The following SHC1 variants were observed in gnomAD, a reference collection of about 807,000 sequenced individuals.
SHC1 encodes SHC adaptor protein 1.
A neutral mutation model predicts 55.9 loss-of-function variants in SHC1; 30 were observed. That is an observed-to-expected ratio of 0.54 (90% CI 0.40 to 0.73). The LOEUF (loss-of-function observed/expected upper bound fraction) is 0.73, where lower values mean the gene tolerates loss of function less well. SHC1 is among the 30% of genes least tolerant of loss of function. The probability of loss-of-function intolerance (pLI) is 0.00; values close to 1 mark genes in which losing one functional copy is unlikely to be tolerated. For synonymous variants in SHC1, 309 were observed against 306.1 expected, an observed-to-expected ratio of 1.01 and a Z score of -0.10; for missense variants, 675 against 777.1, an observed-to-expected ratio of 0.87 and a Z score of 1.56.
In SHC1 at chr1:154,965,315, G is replaced by C. The variant is rs542909982; in HGVS notation, c.1626+228C>G. 1.1e-5 allele frequency: 15 copies of C among 1,415,928 alleles called. No individual in the cohort carries two copies. In the East Asian group the frequency reaches 3.8e-4, roughly 36 times the overall value. 87.7% of individuals were successfully genotyped at this position (1,415,928 alleles called of 1,614,324 possible). ...GCCTCCCAAAGCGCTGGGATTACAG[G>C]TGTGAGCCACCACGCCTGGCCCTGT... is the stretch of plus-strand genomic sequence containing the variant. On this transcript the variant is annotated intron_variant, in intron 11 of 11. Coordinates refer to ENST00000448116, the MANE Select transcript of SHC1 (RefSeq NM_001130040.2).
Position 154,967,674 on chromosome 1 carries a change from T to A in SHC1, c.980A>T (p.Asp327Val). ...CACACTCTCCCCACCTGCTCACCTGTCATGAGGGGTGACCAGTTTGGGTGG... is the reference window on the plus strand; with the variant it reads ...CACACTCTCCCCACCTGCTCACCTGACATGAGGGGTGACCAGTTTGGGTGG... Reference protein sequence around the residue: ...RNPPKLVTPHDRMAGFDGSAW... With the variant: ...RNPPKLVTPHVRMAGFDGSAW... The change falls in exon 7 of 12, where the codon GAC becomes GTC. Residue 327 changes from aspartate (D) to valine (V), a missense_variant. Physicochemically the swap from Asp to Val is radical, Grantham distance 152 (BLOSUM62 -3). Transcript: ENST00000448116. 1 of 1,613,838 alleles carries A rather than the reference T, an allele frequency of 6.2e-7. No homozygotes were observed.
intron 11 of SHC1, among the ~76,000 whole-genome samples, chr1:154,964,587 G>A (rs1462022949): frequency 2.6e-5 from 4 of 151,966 alleles, no homozygotes; most frequent in Non-Finnish European, 5.9e-5. Flanking sequence ...GGGCTCAAGC[G>A]ATCCTCAGGC....
In SHC1 at chr1:154,970,165, C is replaced by T. The variant is rs1656564134; in HGVS notation, c.362G>A (p.Arg121Lys). The T allele has an allele frequency of 2.5e-6, 4 of 1,613,540 alleles. No individual in the cohort carries two copies. Among genetic ancestry groups the T allele is most frequent in the Non-Finnish European group, 3.4e-6 (4 of 1,179,916 alleles). Reference sequence around the variant, plus strand: ...AAGCTGGCCCCCTTCCACCCGAGTCCTGCGCCCGCCGCCTCCACTCAGCTT... The same window carrying T: ...AAGCTGGCCCCCTTCCACCCGAGTCTTGCGCCCGCCGCCTCCACTCAGCTT... The part of the protein sequence containing the change: ...MNKLSGGGGR[R>K]TRVEGGQLGG... The change falls in exon 1 of 12, where the codon AGG becomes AAG. Residue 121 changes from arginine to lysine, a missense_variant. Physicochemically the swap from Arg to Lys is conservative, Grantham distance 26. Coordinates refer to ENST00000448116, the MANE Select transcript of SHC1 (RefSeq NM_001130040.2). The surrounding 1 kb of genome is among the most constrained non-coding windows in gnomAD (Gnocchi z 5.5).
Position 154,968,495 on chromosome 1 carries a change from C to G in SHC1, c.750G>C (p.Gln250His). 2 of 1,614,120 alleles carry G rather than the reference C, an allele frequency of 1.2e-6. No homozygotes were observed. The highest frequency in any genetic ancestry group is 1.7e-6 in the Non-Finnish European group (2 of 1,180,016). ...SLNLMAADCKQIIANHHMQSI... is the reference protein window; with the variant it reads ...SLNLMAADCKHIIANHHMQSI... ...GGTCCGTCTGCCCACCTTCACCAAC[C>G]TGTTTGCAGTCTGCGGCCATGAGGT... Residue 250 changes from glutamine to histidine, a missense_variant and splice_region_variant, in exon 4 of 12, where the codon CAG becomes CAC. By Grantham distance (24) the Gln-to-His change is conservative (BLOSUM62 0). Around this residue, in one of 3 missense-constraint regions of SHC1, gnomAD observed 159 missense variants for 246.9 expected, o/e 0.64. Transcript: ENST00000448116.
rs1218406563 is a variant in SHC1, at chr1:154,962,757, CAAG to C, written c.*1043_*1045del. ...TAATAATTGATTATCATTTTGTGCTCAAGAATAAGCAATGGAAAAGAAAATAGG... is the reference window on the plus strand; with the variant it reads ...TAATAATTGATTATCATTTTGTGCTCAATAAGCAATGGAAAAGAAAATAGG... On this transcript the variant is annotated 3_prime_UTR_variant, in exon 12 of 12. Coordinates refer to ENST00000448116, the MANE Select transcript of SHC1 (RefSeq NM_001130040.2). 3 of 152,644 alleles carry C rather than the reference CAAG, an allele frequency of 2.0e-5. No homozygotes were observed. The highest frequency in any genetic ancestry group is 7.2e-5 in the African/African-American group (3 of 41,406). The allele number at this position is 152,644 out of a possible 1,614,324, so 9.5% of individuals were successfully genotyped here. A position where few individuals can be genotyped will look rare whatever the true frequency, so the allele number is the denominator to read the frequency against.
At position 154,970,336 on chromosome 1, in the gene SHC1, C is replaced by T. The variant is rs1212532467; in HGVS notation, c.191G>A (p.Arg64Gln). 1.9e-6 allele frequency: 3 copies of T among 1,605,736 alleles called. No homozygotes were observed. Among genetic ancestry groups the T allele is most frequent in the Admixed American group, 1.7e-5 (1 of 59,278 alleles). The change falls in exon 1 of 12, where the codon CGG (arginine) becomes CAG (glutamine). Residue 64 changes from arginine to glutamine, a missense_variant. Coordinates refer to ENST00000448116, the MANE Select transcript of SHC1 (RefSeq NM_001130040.2). This position sits in a 1 kb window ranked among gnomAD's most constrained non-coding sequence, Gnocchi z 5.5. ...SPTTLCSFFP[R>Q]MSNLRLANPA... Reference sequence around the variant, plus strand: ...GTTGGCCAGCCTCAGGTTGCTCATCCGGGGGAAGAAGGAGCACAGGGTAGT... The same window carrying T: ...GTTGGCCAGCCTCAGGTTGCTCATCTGGGGGAAGAAGGAGCACAGGGTAGT...
Position 154,966,380 on chromosome 1 carries a change from G to C in SHC1, c.1121C>G (p.Pro374Arg). ...VDMRLREGAA[P>R]GAARPTAPNA... The stretch of plus-strand genomic sequence containing the variant: ...GGGTGCAGTGGGTCGAGCAGCCCCT[G>C]GAGCGGCTCCTTCCCGAAGCCTCAT... The change falls in exon 8 of 12, where the codon CCA (proline) becomes CGA (arginine). Residue 374 changes from proline (P) to arginine (R), a missense_variant. This residue lies in a region of SHC1 where 360 missense variants were observed against 371.1 expected (regional missense o/e 0.97). Coordinates refer to ENST00000448116, the MANE Select transcript of SHC1 (RefSeq NM_001130040.2). 1.2e-6 allele frequency: 2 copies of C among 1,614,154 alleles called. No homozygotes were observed. The highest frequency in any genetic ancestry group is 1.7e-6 in the Non-Finnish European group (2 of 1,179,996).
At chr1:154,969,478 C>G in intron 1 of SHC1, 30 bp from the exon 2 acceptor site, 1 of 1,492,276 alleles carries the variant, frequency 6.7e-7, no homozygotes, top group Non-Finnish European at 9.3e-7. Flanking sequence ...GACAGCAGGT[C>G]AGCGGCTCCC....
In SHC1 at chr1:154,969,424, G is replaced by A; in HGVS notation, c.520C>T (p.Gln174Ter). The change falls in exon 2 of 12, where the codon CAG becomes TAG. Residue 174 changes from glutamine (Q) to a stop codon, truncating the protein, a stop_gained. Coordinates refer to ENST00000448116, the MANE Select transcript of SHC1 (RefSeq NM_001130040.2). LOFTEE classifies it high-confidence loss of function. ...VRYMGCVEVL[Q>*]SMRALDFNTR... ...TTGAAGTCCAGGGCACGCATTGACT[G>A]GAGGACCTCCACACAACCCATGTAC... 1 of 1,612,274 alleles carries A rather than the reference G, an allele frequency of 6.2e-7. No individual in the cohort carries two copies. Among genetic ancestry groups the A allele is most frequent in the Non-Finnish European group, 8.5e-7 (1 of 1,178,890 alleles).
upstream of SHC1, chr1:154,970,861 G>A (rs111309814): frequency 6.1e-4 from 127 of 208,470 alleles, no homozygotes; most frequent in African/African-American, 2.8e-3. This position sits in a 1 kb window ranked among gnomAD's most constrained non-coding sequence, Gnocchi z 5.5. Flanking sequence ...CAGAGGGGCT[G>A]AGCCCCCACC....
intron 2 of SHC1, 106 bp from the exon 3 acceptor site, chr1:154,968,940 G>T: frequency 1.1e-6 from 1 of 927,060 alleles, no homozygotes; most frequent in Non-Finnish European, 1.8e-6. Flanking sequence ...GACTCCCAGG[G>T]CACTCCAGGC....
At chr1:154,968,136 A>AT in intron 5 of SHC1, 68 bp downstream of exon 5, 6 of 1,587,184 alleles carry the variant, frequency 3.8e-6, no homozygotes, top group Non-Finnish European at 5.2e-6. Flanking sequence ...CACTTCTCTA[A>AT]TCAATGTCTT....
chr1:154,966,021 G>C lies in SHC1; in HGVS notation c.1312C>G (p.Arg438Gly). Residue 438 changes from arginine to glycine, a missense_variant, in exon 10 of 12, where the codon CGG becomes GGG. Around this residue, in one of 3 missense-constraint regions of SHC1, gnomAD observed 360 missense variants for 371.1 expected, o/e 0.97. Transcript: ENST00000448116. ...GGCCCAGCACCACCCACTGCTTGCC[G>C]GGCCTTGTCTAGGTTCTGGACGTTG... The part of the protein sequence containing the change: ...YVNVQNLDKA[R>G]QAVGGAGPPN... 3 of 1,614,076 alleles carry C rather than the reference G, an allele frequency of 1.9e-6. No homozygotes were observed. Among genetic ancestry groups the C allele is most frequent in the Non-Finnish European group, 1.7e-6 (2 of 1,180,006 alleles).
upstream of SHC1, among the ~76,000 whole-genome samples, chr1:154,972,650 CG>C (rs769615957): frequency 4.6e-5 from 7 of 152,158 alleles, no homozygotes; most frequent in Non-Finnish European, 1.0e-4. Context: ...AAAAGAAAGA[CG>C]TATGACTCTT....
At position 154,966,676 on chromosome 1, in the gene SHC1, C is replaced by T. The variant is rs118180298; in HGVS notation, c.984-159G>A. ...AATCATTTCATTCTCCTGGCAACCC[C>T]GTAAGGTAGGTATTGTTTCCTTCCC... On this transcript the variant is annotated intron_variant, in intron 7 of 11. Coordinates refer to ENST00000448116, the MANE Select transcript of SHC1 (RefSeq NM_001130040.2). 2.2e-4 allele frequency among the ~76,000 whole-genome samples: 33 copies of T among 152,292 alleles called. 1 individual carries two copies. The East Asian group carries it at 3.9e-3, about 18-fold the overall frequency.
rs1211132612 is a variant in SHC1 at position 154,968,206 on chromosome 1, G to T, written c.802C>A (p.Pro268Thr). Residue 268 changes from proline (P) to threonine (T), a missense_variant and splice_region_variant, in exon 5 of 12, where the codon CCG (proline) becomes ACG (threonine). By Grantham distance (38) the Pro-to-Thr change is conservative. Around this residue, in one of 3 missense-constraint regions of SHC1, gnomAD observed 159 missense variants for 246.9 expected, o/e 0.64. Coordinates refer to ENST00000448116, the MANE Select transcript of SHC1 (RefSeq NM_001130040.2). The part of the protein sequence containing the change: ...QSISFASGGD[P>T]DTAEYVAYVA... ...CTTTGCTCTGTTCCCCAACTCACCG[G>T]ATCCCCGCCGGATGCAAATGAGATA... The T allele has an allele frequency of 1.9e-6, 3 of 1,613,812 alleles. No individual in the cohort carries two copies. The highest frequency in any genetic ancestry group is 2.5e-6 in the Non-Finnish European group (3 of 1,179,938).
At chr1:154,967,605 G>T in intron 7 of SHC1, 66 bp downstream of exon 7, 1 of 1,557,838 alleles carries the variant, frequency 6.4e-7, no homozygotes, top group Non-Finnish European at 8.8e-7. Flanking sequence ...CTCAAGTGTA[G>T]GAAGAGCAGC....
upstream of SHC1, among the ~76,000 whole-genome samples, chr1:154,972,019 G>A (rs1443042859): frequency 1.3e-5 from 2 of 151,980 alleles, no homozygotes; most frequent in Admixed American, 6.6e-5. Context: ...AGGCTGAGGC[G>A]GGTGGATCAC....
rs3766921 is a variant in SHC1, at chr1:154,962,777, G to C, written c.*1026C>G. ...GTGCTCAAGAATAAGCAATGGAAAA[G>C]AAAATAGGAAAGTAAGTCTACAGCC... On this transcript the variant is annotated 3_prime_UTR_variant, in exon 12 of 12. Coordinates refer to ENST00000448116, the MANE Select transcript of SHC1 (RefSeq NM_001130040.2). 0.15 allele frequency: 23,014 copies of C among 152,490 alleles called. 4,451 individuals are homozygous for C. The highest frequency in any genetic ancestry group is 0.46 in the African/African-American group (18,871 of 41,472). 9.4% of individuals were successfully genotyped at this position (152,490 alleles called of 1,614,324 possible). A position where few individuals can be genotyped will look rare whatever the true frequency, so the allele number is the denominator to read the frequency against.
Sources: gnomAD v4.1 joint callset for allele counts (sites outside exome capture counted in the v4.1 genomes callset) on GRCh38, gnomAD v4.1.1 for gene constraint, gnomAD v4.1.1 regional missense constraint, Gnocchi (gnomAD v3.1) non-coding constraint, MANE v1.5 for transcripts, NCBI Gene and HGNC (gene_info 2026-07-23, HGNC 2026-07-21) for gene names.